QTMAN: variants seen among roughly 807,000 people sequenced by gnomAD.
The protein encoded by QTMAN is queuosine-tRNA mannosyltransferase.
chr2:144,293,963 A>AATGT, the QTMAN span, among the ~76,000 whole-genome samples: 1 of 152,166 alleles, frequency 6.6e-6, no homozygotes, highest in Non-Finnish European at 1.5e-5. Context: ...AGTACATATA[A>AATGT]ACATAAGATT....
chr2:143,947,229 A>C, the QTMAN span: 1 of 870,346 alleles, frequency 1.1e-6, no homozygotes, highest in South Asian at 1.5e-5. Context: ...GCAAATTTGC[A>C]TCACTTACGT....
At chr2:144,332,187 C>A in the QTMAN span, among the ~76,000 whole-genome samples, 2 of 151,986 alleles carry the variant, frequency 1.3e-5, no homozygotes, top group African/African-American at 4.8e-5. Context: ...CGGCGTGACG[C>A]CCCATTCCGA....
chr2:144,276,311 T>G, the QTMAN span, among the ~76,000 whole-genome samples: 7 of 152,150 alleles, frequency 4.6e-5, no homozygotes, highest in Non-Finnish European at 1.0e-4. Context: ...CCTCCCAAAG[T>G]GCATGGGATA....
At chr2:144,180,220 T>C in the QTMAN span, among the ~76,000 whole-genome samples, 1 of 152,220 alleles carries the variant, frequency 6.6e-6, no homozygotes, top group East Asian at 1.9e-4. Flanking sequence ...TTTCATTTTT[T>C]CTTTACTTTT....
chr2:144,313,313 G>A, the QTMAN span, among the ~76,000 whole-genome samples: 3 of 152,168 alleles, frequency 2.0e-5, no homozygotes, highest in Admixed American at 2.0e-4. Flanking sequence ...AGAAAGCAGG[G>A]TTACTTATTA....
the QTMAN span, among the ~76,000 whole-genome samples, chr2:144,049,838 A>G: frequency 6.6e-6 from 1 of 152,186 alleles, no homozygotes; most frequent in Non-Finnish European, 1.5e-5. Flanking sequence ...TGAGCTAAAT[A>G]CTATATTAGT....
chr2:144,258,917 CT>C, the QTMAN span, among the ~76,000 whole-genome samples: 1 of 152,140 alleles, frequency 6.6e-6, no homozygotes, highest in Admixed American at 6.5e-5. Flanking sequence ...AACAAGGCTG[CT>C]TTAATGCTAC....
At chr2:144,123,204 C>T in the QTMAN span, among the ~76,000 whole-genome samples, 1 of 152,148 alleles carries the variant, frequency 6.6e-6, no homozygotes, top group Non-Finnish European at 1.5e-5. Context: ...TGTCCAGCTA[C>T]TCACCATACC....
chr2:144,227,396 A>C, the QTMAN span, among the ~76,000 whole-genome samples: 1 of 152,138 alleles, frequency 6.6e-6, no homozygotes, highest in Non-Finnish European at 1.5e-5. Flanking sequence ...AACAACTTGG[A>C]CATTATTACA....
the QTMAN span, among the ~76,000 whole-genome samples, chr2:144,129,962 A>G: frequency 1.3e-5 from 2 of 151,892 alleles, no homozygotes; most frequent in African/African-American, 2.4e-5. Context: ...TAAGGAAAGC[A>G]TATCATTTCT....
At chr2:144,148,831 C>T in the QTMAN span, among the ~76,000 whole-genome samples, 1 of 151,936 alleles carries the variant, frequency 6.6e-6, no homozygotes, top group South Asian at 2.1e-4. Flanking sequence ...CACGCCAACA[C>T]TTCTTTCAGT....
At chr2:144,255,664 G>A in the QTMAN span, among the ~76,000 whole-genome samples, 1 of 152,200 alleles carries the variant, frequency 6.6e-6, no homozygotes, top group Non-Finnish European at 1.5e-5. Context: ...ATACAGACAG[G>A]ATCAGTTGTT....
the QTMAN span, among the ~76,000 whole-genome samples, chr2:144,068,080 AG>A: frequency 6.6e-6 from 1 of 152,226 alleles, no homozygotes; most frequent in African/African-American, 2.4e-5. Context: ...CTCTTTTTAA[AG>A]GGTATATCAT....
the QTMAN span, among the ~76,000 whole-genome samples, chr2:144,280,511 T>C: frequency 2.6e-5 from 4 of 152,014 alleles, no homozygotes; most frequent in African/African-American, 4.8e-5. Flanking sequence ...ATCAGGGCAC[T>C]TGAAGTCTAC....
chr2:144,133,972 T>G, the QTMAN span, among the ~76,000 whole-genome samples: 9 of 152,256 alleles, frequency 5.9e-5, no homozygotes, highest in Admixed American at 5.9e-4. Context: ...ATGTCCAACA[T>G]TAATACTGTC....
chr2:143,986,345 C>T, the QTMAN span, among the ~76,000 whole-genome samples: 1 of 152,168 alleles, frequency 6.6e-6, no homozygotes, highest in Admixed American at 6.5e-5. Flanking sequence ...AGCTGAGCAC[C>T]TCATGTGCCA....
At chr2:144,188,157 G>A in the QTMAN span, among the ~76,000 whole-genome samples, 1 of 152,112 alleles carries the variant, frequency 6.6e-6, no homozygotes, top group Admixed American at 6.5e-5. Flanking sequence ...AGCACCCTTA[G>A]GAAACTAATA....
chr2:144,311,790 T>A, the QTMAN span, among the ~76,000 whole-genome samples: 3 of 152,324 alleles, frequency 2.0e-5, no homozygotes, highest in South Asian at 6.2e-4. Flanking sequence ...ACATTTAAAG[T>A]ACCTATGTCA....
chr2:144,000,203 A>G, the QTMAN span, among the ~76,000 whole-genome samples: 1 of 152,190 alleles, frequency 6.6e-6, no homozygotes, highest in African/African-American at 2.4e-5. Context: ...TAATAGTGCT[A>G]TGTCAGAGGA....
Sources: gnomAD v4.1 joint callset for allele counts (sites outside exome capture counted in the v4.1 genomes callset) on GRCh38, gnomAD v4.1.1 for gene constraint, MANE v1.5 for transcripts, NCBI Gene and HGNC (gene_info 2026-07-23, HGNC 2026-07-21) for gene names.